The following NCKAP1 variants were observed in gnomAD, a reference collection of about 807,000 sequenced individuals.
NCKAP1 encodes the protein nck-associated protein 1.
A neutral mutation model predicts 151.2 loss-of-function variants in NCKAP1; 21 were observed. The observed-to-expected ratio is 0.14, with a 90% CI of 0.10 to 0.20. NCKAP1 has a LOEUF of 0.20. NCKAP1 is among the 10% of genes least tolerant of loss of function. NCKAP1 has a pLI of 1.00. For missense variants in NCKAP1, 933 were observed against 1,352.1 expected, an observed-to-expected ratio of 0.69 and a Z score of 4.86; for synonymous variants, 484 against 451.8, an observed-to-expected ratio of 1.07 and a Z score of -0.90.
rs1053246405 is a variant in NCKAP1, at chr2:183,021,966, C to T, written c.219+1840G>A. 3.9e-5 allele frequency among the ~76,000 whole-genome samples: 6 copies of T among 152,150 alleles called. No individual in the cohort carries two copies. In the East Asian group the frequency reaches 1.2e-3, roughly 29 times the overall value. ...GTATGTGAATTATACCTCAATAAAA[C>T]TATTATTAAAAATATCGATTTTGTG... On this transcript the variant is annotated intron_variant, in intron 2 of 30. Transcript: ENST00000361354.
In NCKAP1 at chr2:182,921,710, A is replaced by G. The variant is rs936382799; in HGVS notation, c.*3992T>C. ...ACTTAGGCCCAAAATGACAGGCTGAATACTTTTATTGGAAATGAAACATTC... is the reference window on the plus strand; with the variant it reads ...ACTTAGGCCCAAAATGACAGGCTGAGTACTTTTATTGGAAATGAAACATTC... On this transcript the variant is annotated 3_prime_UTR_variant, in exon 31 of 31. Transcript: ENST00000361354. The G allele has an allele frequency of 4.6e-5, 7 of 152,246 alleles. No individual in the cohort carries two copies. The highest frequency in any genetic ancestry group is 2.6e-4 in the Admixed American group (4 of 15,286). The allele number at this position is 152,246 out of a possible 1,614,324, so 9.4% of individuals were successfully genotyped here.
intron 1 of NCKAP1, among the ~76,000 whole-genome samples, chr2:183,027,043 C>T (rs10187800): frequency 0.61 from 93,141 of 151,948 alleles, 31,807 homozygotes; most frequent in East Asian, 0.86. Flanking sequence ...TAAGCCTAAA[C>T]ATCTAAATAC....
At chr2:182,979,380 G>A (rs1174907917) in intron 13 of NCKAP1, among the ~76,000 whole-genome samples, 1 of 152,016 alleles carries the variant, frequency 6.6e-6, no homozygotes, top group East Asian at 1.9e-4. Flanking sequence ...AATGATTTTT[G>A]TTGTCTGTAT....
At chr2:183,018,387 A>AATACTTAATACTC (rs1698735115) in intron 2 of NCKAP1, among the ~76,000 whole-genome samples, 1 of 152,196 alleles carries the variant, frequency 6.6e-6, no homozygotes, top group Non-Finnish European at 1.5e-5. Context: ...CCAGTATGTT[A>AATACTTAATACTC]CTATCTTAAT....
chr2:183,008,494 T>C (rs1698525070), intron 2 of NCKAP1, among the ~76,000 whole-genome samples: 1 of 151,684 alleles, frequency 6.6e-6, no homozygotes, highest in South Asian at 2.1e-4. Flanking sequence ...CTCATCTTCT[T>C]TCATGCTCCT....
At chr2:183,030,565 G>C (rs1698985443) in intron 1 of NCKAP1, among the ~76,000 whole-genome samples, 1 of 152,132 alleles carries the variant, frequency 6.6e-6, no homozygotes. Context: ...TAATGTCAAG[G>C]ATGAGGAGAA....
intron 18 of NCKAP1, among the ~76,000 whole-genome samples, chr2:182,961,625 T>C (rs1462803860): frequency 6.6e-6 from 1 of 152,196 alleles, no homozygotes; most frequent in East Asian, 1.9e-4. Context: ...ATATACCTAA[T>C]GTTAAATGAC....
At chr2:182,957,058 C>A (rs1053602402) in intron 19 of NCKAP1, 8 of 165,366 alleles carry the variant, frequency 4.8e-5, no homozygotes, top group African/African-American at 1.7e-4. Context: ...GCTACCTGGT[C>A]TGTTATTTCT....
intron 7 of NCKAP1, 121 bp downstream of exon 7, chr2:182,995,580 T>G: frequency 1.1e-6 from 1 of 930,728 alleles, no homozygotes; most frequent in Non-Finnish European, 1.6e-6. Flanking sequence ...GTGAACATTT[T>G]ATAATGAACT....
At chr2:182,962,842 G>A (rs1268004840) in intron 17 of NCKAP1, among the ~76,000 whole-genome samples, 2 of 150,224 alleles carry the variant, frequency 1.3e-5, no homozygotes, top group Non-Finnish European at 3.0e-5. Context: ...AAAAAACGCT[G>A]ATCATGCATC....
intron 2 of NCKAP1, among the ~76,000 whole-genome samples, chr2:183,006,340 C>A (rs1698471777): frequency 6.6e-6 from 1 of 152,160 alleles, no homozygotes; most frequent in Admixed American, 6.6e-5. Context: ...AGAAGCTGTA[C>A]ATTAAATATT....
At chr2:182,929,166 T>C (rs1316210564) in intron 27 of NCKAP1, among the ~76,000 whole-genome samples, 1 of 151,974 alleles carries the variant, frequency 6.6e-6, no homozygotes, top group Non-Finnish European at 1.5e-5. Flanking sequence ...AGATTTTATT[T>C]TTTTTAATTG....
chr2:182,952,376 A>G, intron 23 of NCKAP1, 29 bp downstream of exon 23: 1 of 1,427,114 alleles, frequency 7.0e-7, no homozygotes, highest in Admixed American at 2.1e-5. Flanking sequence ...TTAATGTTTA[A>G]AAGCTAAAAT....
intron 8 of NCKAP1, among the ~76,000 whole-genome samples, chr2:182,989,914 C>T (rs941791001): frequency 3.3e-5 from 5 of 151,762 alleles, no homozygotes; most frequent in Non-Finnish European, 5.9e-5. Context: ...CGCTTGAACC[C>T]GGGAGGCCGA....
chr2:183,021,274 A>G (rs931345853), intron 2 of NCKAP1, among the ~76,000 whole-genome samples: 1 of 152,200 alleles, frequency 6.6e-6, no homozygotes, highest in African/African-American at 2.4e-5. Flanking sequence ...AAAATGTGGT[A>G]TATCCACACA....
rs116537224 is a variant in NCKAP1, at chr2:182,945,747, A to G, written c.2602-3584T>C. 9.5e-3 allele frequency among the ~76,000 whole-genome samples: 1,443 copies of G among 152,294 alleles called. 22 individuals carry two copies. Among genetic ancestry groups the G allele is most frequent in the African/African-American group, 0.033 (1,377 of 41,544 alleles). On this transcript the variant is annotated intron_variant, in intron 23 of 30. Transcript: ENST00000361354. ...AGCCACTGTGAAAAGCAGTTTGCAG[A>G]TTTCTCAAAGAACTTAAAACAGAAT...
chr2:182,984,924 C>A (rs1032832567), intron 10 of NCKAP1, among the ~76,000 whole-genome samples: 1 of 152,002 alleles, frequency 6.6e-6, no homozygotes, highest in South Asian at 2.1e-4. Flanking sequence ...AATAAAAATA[C>A]CTTAATTGTA....
At chr2:182,984,951 G>C (rs1698020138) in intron 10 of NCKAP1, among the ~76,000 whole-genome samples, 1 of 152,134 alleles carries the variant, frequency 6.6e-6, no homozygotes, top group South Asian at 2.1e-4. Flanking sequence ...CTTTATAAAA[G>C]ATAGCTATGC....
intron 26 of NCKAP1, among the ~76,000 whole-genome samples, chr2:182,932,664 G>T (rs1211891829): frequency 2.1e-5 from 3 of 145,570 alleles, no homozygotes; most frequent in African/African-American, 5.0e-5. Flanking sequence ...GTTTTTTGTT[G>T]TTTTTTTTTT....
Sources: allele counts gnomAD v4.1 joint callset (sites outside exome capture counted in the v4.1 genomes callset), GRCh38; gene constraint gnomAD v4.1.1; transcripts MANE v1.5; gene names NCBI Gene and HGNC (gene_info 2026-07-23, HGNC 2026-07-21).